NCALD: variants seen among roughly 807,000 people sequenced by gnomAD.
The protein encoded by NCALD is neurocalcin-delta.
A neutral mutation model predicts 18.6 loss-of-function variants in NCALD; 10 were observed. The observed-to-expected ratio is 0.54, with a 90% CI of 0.33 to 0.91. The LOEUF is 0.91. Among genes scored for constraint, NCALD ranks in the 40% least tolerant of loss-of-function variants. NCALD has a pLI of 0.03. For missense variants in NCALD, 184 were observed against 247.6 expected (o/e 0.74, Z 1.72); for synonymous variants, 88 against 87.4 (o/e 1.01, Z -0.04).
chr8:101,919,856 G>A (rs1818101694), intron 2 of NCALD, among the ~76,000 whole-genome samples: 1 of 152,144 alleles, frequency 6.6e-6, no homozygotes, highest in Non-Finnish European at 1.5e-5. Context: ...CAGTTAGAAT[G>A]GCTATTATTA....
chr8:101,766,433 T>A (rs1414268076), intron 1 of NCALD, among the ~76,000 whole-genome samples: 2 of 152,226 alleles, frequency 1.3e-5, no homozygotes, highest in African/African-American at 4.8e-5. Context: ...TTGGTGTATA[T>A]CCTTCCAGAT....
intron 2 of NCALD, among the ~76,000 whole-genome samples, chr8:101,996,798 C>T (rs972550719): frequency 1.4e-4 from 21 of 152,224 alleles, no homozygotes; most frequent in Admixed American, 1.2e-3. Flanking sequence ...GTTACAACCA[C>T]GGTGATTTGG....
chr8:101,964,869 C>T (rs1448604125), intron 2 of NCALD, among the ~76,000 whole-genome samples: 2 of 152,046 alleles, frequency 1.3e-5, no homozygotes, highest in Admixed American at 6.6e-5. Context: ...ATGGGAAACA[C>T]CAAAGGAAGA....
intron 4 of NCALD, among the ~76,000 whole-genome samples, chr8:101,869,991 A>G (rs1482338738): frequency 6.6e-6 from 1 of 152,206 alleles, no homozygotes. Context: ...AAATACTTAC[A>G]TGTGTTTTCT....
intron 2 of NCALD, among the ~76,000 whole-genome samples, chr8:101,976,999 C>G (rs1358973569): frequency 1.3e-5 from 2 of 152,112 alleles, no homozygotes; most frequent in Admixed American, 6.5e-5. Flanking sequence ...TAGGAAATAG[C>G]AGGCTTACGT....
intron 2 of NCALD, among the ~76,000 whole-genome samples, chr8:101,987,913 C>G (rs974077588): frequency 2.0e-5 from 3 of 151,940 alleles, no homozygotes; most frequent in Non-Finnish European, 4.4e-5. Context: ...CCAGCACTTT[C>G]GGAGGCCGAG....
intron 4 of NCALD, among the ~76,000 whole-genome samples, chr8:101,797,971 A>G (rs1471782674): frequency 1.3e-5 from 2 of 152,228 alleles, no homozygotes; most frequent in Admixed American, 1.3e-4. Flanking sequence ...AACACAATTC[A>G]TGATAAAAAC....
intron 4 of NCALD, among the ~76,000 whole-genome samples, chr8:101,805,752 G>A (rs1470825119): frequency 1.3e-5 from 2 of 152,146 alleles, no homozygotes; most frequent in African/African-American, 2.4e-5. Context: ...TTGAGAGGAG[G>A]TGGATAACTA....
At chr8:101,755,577 A>G (rs565840477) in intron 1 of NCALD, among the ~76,000 whole-genome samples, 29 of 152,176 alleles carry the variant, frequency 1.9e-4, no homozygotes, top group African/African-American at 7.0e-4. Flanking sequence ...TCTTTTTTCT[A>G]TTACTGCTTT....
At position 102,082,224 on chromosome 8, in the gene NCALD, C is replaced by CTTTTTTTTTT. The variant is rs1362023921; in HGVS notation, c.-210+42012_-210+42013insAAAAAAAAAA. Among the ~76,000 whole-genome samples, 136 of 109,444 alleles carry CTTTTTTTTTT rather than the reference C, an allele frequency of 1.2e-3. 6 individuals carry two copies. Among genetic ancestry groups the CTTTTTTTTTT allele is most frequent in the African/African-American group, 4.8e-3 (128 of 26,480 alleles). The allele number at this position is 109,444 out of a possible 152,430, so 71.8% of individuals were successfully genotyped here. A position where few individuals can be genotyped will look rare whatever the true frequency, so the allele number is the denominator to read the frequency against. On this transcript the variant is annotated intron_variant, in intron 1 of 6. Transcript: ENST00000311028. ...AATGGGCAGTTATTTGAGAAGCTCT[C>CTTTTTTTTTT]TCTTTTTTTTTTTTTTTTTTTTTTT...
Position 101,726,262 on chromosome 8 carries a change from T to C in NCALD, c.-19-6614A>G, listed in dbSNP as rs114428611. On this transcript the variant is annotated intron_variant, in intron 1 of 3. Transcript: ENST00000220931. ...TGTAGGGTTTTTATCAGAAATGTGA[T>C]AAAGCTGATTTATATCCTAACAGGA... 1.5e-3 allele frequency among the ~76,000 whole-genome samples: 228 copies of C among 152,272 alleles called. 3 individuals are homozygous for C. Among genetic ancestry groups the C allele is most frequent in the African/African-American group, 5.3e-3 (221 of 41,558 alleles).
intron 2 of NCALD, among the ~76,000 whole-genome samples, chr8:101,982,496 T>G (rs1820657265): frequency 6.6e-6 from 1 of 152,240 alleles, no homozygotes; most frequent in Admixed American, 6.5e-5. Context: ...AAGTTAGGCT[T>G]CTCATAAAAA....
chr8:101,969,193 T>C (rs1179242970), intron 2 of NCALD, among the ~76,000 whole-genome samples: 1 of 152,200 alleles, frequency 6.6e-6, no homozygotes, highest in Non-Finnish European at 1.5e-5. Flanking sequence ...GCTACAGTTA[T>C]TTTTAATTCA....
chr8:102,037,556 T>C (rs1822913207), intron 1 of NCALD, among the ~76,000 whole-genome samples: 1 of 152,252 alleles, frequency 6.6e-6, no homozygotes, highest in African/African-American at 2.4e-5. Flanking sequence ...TATCAGGAGC[T>C]ATCTCCTAGA....
chr8:101,824,653 T>A (rs1813858358), intron 4 of NCALD, among the ~76,000 whole-genome samples: 1 of 152,106 alleles, frequency 6.6e-6, no homozygotes, highest in African/African-American at 2.4e-5. Context: ...TTCTATTAAC[T>A]CTTTTACTTC....
At chr8:101,806,128 G>A (rs1049629037) in intron 4 of NCALD, among the ~76,000 whole-genome samples, 25 of 152,090 alleles carry the variant, frequency 1.6e-4, no homozygotes, top group Non-Finnish European at 1.2e-4. Flanking sequence ...TGAAGGCTTT[G>A]CAGTGTAGGG....
intron 4 of NCALD, among the ~76,000 whole-genome samples, chr8:101,827,295 C>T (rs1395836164): frequency 6.6e-6 from 1 of 152,200 alleles, no homozygotes; most frequent in Non-Finnish European, 1.5e-5. Context: ...GGCCCACCCA[C>T]ATAATCCAGG....
In NCALD at chr8:102,054,660, C is replaced by CAATAGATAGATA. The variant is rs59558185; in HGVS notation, c.-209-34372_-209-34371insTATCTATCTATT. On this transcript the variant is annotated intron_variant, in intron 1 of 6. Coordinates refer to the NCALD transcript ENST00000311028. Reference sequence around the variant, plus strand: ...CTGATATGTCTCTCTCTTTCTCTTCCGATAGATAGATAGATAGATAGATAG... The same window carrying CAATAGATAGATA: ...CTGATATGTCTCTCTCTTTCTCTTCCAATAGATAGATAGATAGATAGATAGATAGATAGATAG... Among the ~76,000 whole-genome samples, 627 of 142,406 alleles carry CAATAGATAGATA rather than the reference C, an allele frequency of 4.4e-3. 5 individuals carry two copies. Among genetic ancestry groups the CAATAGATAGATA allele is most frequent in the East Asian group, 0.014 (66 of 4,798 alleles). The allele number at this position is 142,406 out of a possible 152,430, so 93.4% of individuals were successfully genotyped here.
intron 1 of NCALD, among the ~76,000 whole-genome samples, chr8:101,746,893 G>A (rs1317998982): frequency 6.6e-6 from 1 of 152,014 alleles, no homozygotes; most frequent in Non-Finnish European, 1.5e-5. Flanking sequence ...GGGATGCCAT[G>A]CTACCCTGAT....
Sources: gnomAD v4.1 joint callset for allele counts (sites outside exome capture counted in the v4.1 genomes callset) on GRCh38, gnomAD v4.1.1 for gene constraint, MANE v1.5 for transcripts, NCBI Gene and HGNC (gene_info 2026-07-23, HGNC 2026-07-21) for gene names.